The following UTP11 variants were observed in gnomAD, a reference collection of about 807,000 sequenced individuals.
UTP11 encodes probable U3 small nucleolar RNA-associated protein 11.
A neutral mutation model predicts 39.0 loss-of-function variants in UTP11; 29 were observed. That is an observed-to-expected ratio of 0.74 (90% CI 0.55 to 1.01). The LOEUF (loss-of-function observed/expected upper bound fraction) is 1.01, where lower values mean the gene tolerates loss of function less well. Ranked by LOEUF, UTP11 falls within the 50% of genes least tolerant of loss-of-function variation. The probability of loss-of-function intolerance (pLI) is 0.00; values close to 1 mark genes in which losing one functional copy is unlikely to be tolerated. For missense variants in UTP11, 281 were observed against 306.0 expected (o/e 0.92, Z 0.61); for synonymous variants, 111 against 105.0 (o/e 1.06, Z -0.35).
intron 7 of UTP11, 25 bp downstream of exon 7, chr1:38,022,834 CT>C (rs34251728): frequency 0.078 from 89,949 of 1,146,738 alleles, 55 homozygotes; most frequent in East Asian, 0.093. Context: ...CCTTAGGCCT[CT>C]TTTTTTTTTT....
intron 1 of UTP11, 118 bp from the exon 2 acceptor site, chr1:38,016,241 C>T (rs935046792): frequency 1.2e-5 from 12 of 1,038,108 alleles, no homozygotes; most frequent in Non-Finnish European, 1.6e-5. Context: ...TGGGTTAGCT[C>T]CAAGGACTGG....
intron 6 of UTP11, among the ~76,000 whole-genome samples, chr1:38,021,720 C>T (rs1448005779): frequency 6.6e-6 from 1 of 152,098 alleles, no homozygotes; most frequent in African/African-American, 2.4e-5. Context: ...TAGTGAAACC[C>T]TGTCTCTACT....
rs552679522 is a variant in UTP11 at position 38,015,683 on chromosome 1, C to A, written c.64-676C>A. ...TTAATCCTTATACCTTCCATGCTCT[C>A]CAAGTCTACGTCAGAGAAAGTACTT... On this transcript the variant is annotated intron_variant, in intron 1 of 7. Transcript: ENST00000373014. Among the ~76,000 whole-genome samples the A allele has an allele frequency of 4.6e-5, 7 of 152,300 alleles. No homozygotes were observed. In the East Asian group the frequency reaches 1.3e-3, roughly 29 times the overall value.
intron 6 of UTP11, among the ~76,000 whole-genome samples, chr1:38,021,433 G>A (rs1405160376): frequency 6.6e-6 from 1 of 152,186 alleles, no homozygotes; most frequent in Non-Finnish European, 1.5e-5. Flanking sequence ...AGAGACTGCT[G>A]GTGGGTGGAT....
intron 4 of UTP11, 151 bp from the exon 5 acceptor site, chr1:38,018,908 T>C (rs1646720740): frequency 2.8e-6 from 2 of 706,596 alleles, no homozygotes; most frequent in East Asian, 2.7e-5. Context: ...ATACCTGATA[T>C]TTGTTGGGAT....
chr1:38,015,782 A>G (rs1432915473), intron 1 of UTP11, among the ~76,000 whole-genome samples: 3 of 152,012 alleles, frequency 2.0e-5, no homozygotes, highest in African/African-American at 7.2e-5. Context: ...GAAAGCTGCT[A>G]TGTGTCAAGC....
rs143453855 is a variant in UTP11, at chr1:38,016,741, G to A, written c.125+321G>A. The A allele has an allele frequency of 1.6e-4, 51 of 312,394 alleles. No individual in the cohort carries two copies. In the East Asian group the frequency reaches 3.7e-3, roughly 23 times the overall value. The allele number at this position is 312,394 out of a possible 1,614,324, so 19.4% of individuals were successfully genotyped here. A position where few individuals can be genotyped will look rare whatever the true frequency, so the allele number is the denominator to read the frequency against. The stretch of plus-strand genomic sequence containing the variant: ...TGAATCTTTTTCTCTTTGTTTTCTT[G>A]AAGTGCAGGATATAATCTGAAATTC... On this transcript the variant is annotated intron_variant, in intron 2 of 7. Coordinates refer to ENST00000373014, the MANE Select transcript of UTP11 (RefSeq NM_016037.4).
At chr1:38,023,410 C>A in intron 7 of UTP11, 135 bp from the exon 8 acceptor site, 1 of 646,734 alleles carries the variant, frequency 1.5e-6, no homozygotes. Context: ...ACAGTGGATG[C>A]CTTGGGCAGT....
chr1:38,019,056 T>C lies in UTP11; in HGVS notation c.343-3T>C. ...TAAAGTGAGACCATATTCTGTGTTC[T>C]AGAAAATCGAAAGACTAAAATCAGA... On this transcript the variant is annotated splice_region_variant and splice_polypyrimidine_tract_variant and intron_variant, in intron 4 of 7. Coordinates refer to ENST00000373014, the MANE Select transcript of UTP11 (RefSeq NM_016037.4). The C allele has an allele frequency of 6.2e-7, 1 of 1,612,434 alleles. No homozygotes were observed. The highest frequency in any genetic ancestry group is 2.2e-5 in the East Asian group (1 of 44,896).
At chr1:38,012,989 G>A in intron 1 of UTP11, 124 bp downstream of exon 1, 1 of 1,171,140 alleles carries the variant, frequency 8.5e-7, no homozygotes, top group Non-Finnish European at 1.2e-6. Context: ...GTAAATGTAT[G>A]TTAATGACGC....
At chr1:38,019,632 C>T (rs1467533684) in intron 6 of UTP11, among the ~76,000 whole-genome samples, 1 of 152,022 alleles carries the variant, frequency 6.6e-6, no homozygotes, top group African/African-American at 2.4e-5. Context: ...TATAGGGGTG[C>T]AACACCACAC....
chr1:38,023,675 GT>G lies in UTP11; in HGVS notation c.*51del. 6.5e-7 allele frequency: 1 copy of G among 1,535,106 alleles called. No individual in the cohort carries two copies. The highest frequency in any genetic ancestry group is 8.9e-7 in the Non-Finnish European group (1 of 1,129,820). On this transcript the variant is annotated 3_prime_UTR_variant, in exon 8 of 8. Transcript: ENST00000373014. ...CATTCTGTATCAAAAATCTGTTGTCGTTTTCTAGTAACTTCAAATTCCATTA... is the reference window on the plus strand; with the variant it reads ...CATTCTGTATCAAAAATCTGTTGTCGTTTCTAGTAACTTCAAATTCCATTA...
intron 6 of UTP11, among the ~76,000 whole-genome samples, chr1:38,020,328 C>T (rs965761591): frequency 2.6e-5 from 4 of 152,004 alleles, no homozygotes; most frequent in African/African-American, 9.7e-5. Flanking sequence ...GTCTTAAACT[C>T]CTGAGCTCAA....
intron 2 of UTP11, 169 bp downstream of exon 2, chr1:38,016,589 C>T: frequency 3.0e-6 from 2 of 658,034 alleles, no homozygotes; most frequent in Admixed American, 2.5e-5. Flanking sequence ...AAATTTCTCT[C>T]TTTGTTTAGG....
At position 38,019,048 on chromosome 1, in the gene UTP11, C is replaced by A; in HGVS notation, c.343-11C>A. The A allele has an allele frequency of 6.3e-7, 1 of 1,587,416 alleles. No individual in the cohort carries two copies. Among genetic ancestry groups the A allele is most frequent in the Non-Finnish European group, 8.6e-7 (1 of 1,162,192 alleles). On this transcript the variant is annotated splice_polypyrimidine_tract_variant and intron_variant, in intron 4 of 7. Coordinates refer to ENST00000373014, the MANE Select transcript of UTP11 (RefSeq NM_016037.4). ...ATCTAATATAAAGTGAGACCATATTCTGTGTTCTAGAAAATCGAAAGACTA... is the reference window on the plus strand; with the variant it reads ...ATCTAATATAAAGTGAGACCATATTATGTGTTCTAGAAAATCGAAAGACTA...
intron 2 of UTP11, chr1:38,017,184 G>A (rs1435546998): frequency 2.6e-5 from 4 of 152,736 alleles, no homozygotes. Context: ...ATTCAGGATG[G>A]TTAAATAACT....
intron 4 of UTP11, 47 bp from the exon 5 acceptor site, chr1:38,019,012 A>G: frequency 2.3e-6 from 3 of 1,318,548 alleles, no homozygotes; most frequent in Non-Finnish European, 3.1e-6. Context: ...TTTTTTTGGT[A>G]CCCTAGAAGA....
intron 6 of UTP11, among the ~76,000 whole-genome samples, chr1:38,021,579 G>C (rs1646737846): frequency 6.6e-6 from 1 of 152,170 alleles, no homozygotes; most frequent in East Asian, 1.9e-4. Flanking sequence ...TTTTACAAAT[G>C]TGTATGTACA....
chr1:38,015,980 T>C (rs1015511970), intron 1 of UTP11, among the ~76,000 whole-genome samples: 3 of 152,220 alleles, frequency 2.0e-5, no homozygotes, highest in African/African-American at 7.2e-5. Context: ...TAAATTTAGC[T>C]CCCTTACCAC....
Sources: gnomAD v4.1 joint callset for allele counts (sites outside exome capture counted in the v4.1 genomes callset) on GRCh38, gnomAD v4.1.1 for gene constraint, MANE v1.5 for transcripts, NCBI Gene and HGNC (gene_info 2026-07-23, HGNC 2026-07-21) for gene names.